MDGA2: variants seen among roughly 807,000 people sequenced by gnomAD.
The protein encoded by MDGA2 is MAM domain-containing glycosylphosphatidylinositol anchor protein 2.
MDGA2 carries 40 observed loss-of-function variants against 117.8 expected under a neutral mutation model. That is an observed-to-expected ratio of 0.34 (90% CI 0.26 to 0.44). MDGA2 has a LOEUF of 0.44. MDGA2 is among the 20% of genes least tolerant of loss of function. The pLI is 1.00. For synonymous variants in MDGA2, 452 were observed against 439.0 expected (o/e 1.03, Z -0.37); for missense variants, 1,123 against 1,250.6 (o/e 0.90, Z 1.54).
intron 9 of MDGA2, among the ~76,000 whole-genome samples, chr14:46,932,151 A>G (rs1799841864): frequency 6.6e-6 from 1 of 152,082 alleles, no homozygotes; most frequent in Admixed American, 6.6e-5. Context: ...ATGTGTTAGC[A>G]TAAAGAACGA....
At chr14:46,979,931 T>A (rs1886602571) in intron 8 of MDGA2, among the ~76,000 whole-genome samples, 6 of 152,160 alleles carry the variant, frequency 3.9e-5, no homozygotes, top group Admixed American at 3.3e-4. Flanking sequence ...GAAACAGCCT[T>A]CTATTGGAAG....
intron 1 of MDGA2, among the ~76,000 whole-genome samples, chr14:47,573,549 A>G (rs564956509): frequency 5.3e-5 from 8 of 152,322 alleles, no homozygotes; most frequent in African/African-American, 1.9e-4. Flanking sequence ...TCTCACGCTC[A>G]GTTTCCTTAT....
intron 1 of MDGA2, among the ~76,000 whole-genome samples, chr14:47,634,160 G>A (rs144249995): frequency 1.0e-3 from 155 of 152,164 alleles, no homozygotes; most frequent in African/African-American, 3.6e-3. Context: ...TGCACCATTT[G>A]TTGTAATTTT....
chr14:47,199,279 C>T lies in MDGA2; in HGVS notation c.595+18742G>A, dbSNP rs1885403779. The stretch of plus-strand genomic sequence containing the variant: ...ATTTTTTAAATAAAGACACATAAAA[C>T]TTGATGTCTAGGTAACTTCCCATCT... On this transcript the variant is annotated intron_variant, in intron 3 of 16. Transcript: ENST00000399232. 2.0e-5 allele frequency among the ~76,000 whole-genome samples: 3 copies of T among 152,170 alleles called. No individual in the cohort carries two copies. The South Asian group carries it at 6.2e-4, about 32-fold the overall frequency.
intron 1 of MDGA2, among the ~76,000 whole-genome samples, chr14:47,494,411 C>G (rs1033868709): frequency 5.9e-5 from 9 of 152,166 alleles, no homozygotes; most frequent in Admixed American, 4.6e-4. Context: ...TACATTCCCT[C>G]AAAGCATGCA....
chr14:47,375,127 T>A (rs1891449159), intron 1 of MDGA2, among the ~76,000 whole-genome samples: 1 of 151,822 alleles, frequency 6.6e-6, no homozygotes, highest in Non-Finnish European at 1.5e-5. Context: ...AAAAATAGTA[T>A]CTACTTCCTA....
chr14:47,279,198 G>A (rs369870665), intron 2 of MDGA2, among the ~76,000 whole-genome samples: 6 of 152,274 alleles, frequency 3.9e-5, no homozygotes, highest in African/African-American at 1.4e-4. Flanking sequence ...TTAAAAATGT[G>A]TGCTTCCATC....
At chr14:46,984,212 T>C (rs927955146) in intron 8 of MDGA2, among the ~76,000 whole-genome samples, 2 of 151,982 alleles carry the variant, frequency 1.3e-5, no homozygotes, top group Non-Finnish European at 2.9e-5. Context: ...TTTCCTGGTA[T>C]TCCAAATGAG....
At chr14:47,305,651 A>G (rs1422500985) in intron 1 of MDGA2, among the ~76,000 whole-genome samples, 2 of 152,266 alleles carry the variant, frequency 1.3e-5, no homozygotes, top group African/African-American at 4.8e-5. Context: ...TTTCAAGCGT[A>G]TATTTATTGA....
In MDGA2 at chr14:46,920,141, T is replaced by C. The variant is rs1183124349; in HGVS notation, c.2109A>G (p.Glu703=). 1 of 1,608,640 alleles carries C rather than the reference T, an allele frequency of 6.2e-7. No individual in the cohort carries two copies. Among genetic ancestry groups the C allele is most frequent in the African/African-American group, 1.3e-5 (1 of 74,810 alleles). ...CTGGATTGTAGGTATCATAATAGAA[T>C]TCTGGAGCATAGGCCTTTCCTGAAA... ...FLVTGKAYAP[E]FYYDTYNPVW... Residue 703 remains glutamate (E), a synonymous_variant, in exon 10 of 17, where the codon GAA becomes GAG. Transcript: ENST00000399232.
Position 47,041,850 on chromosome 14 carries a change from T to C in MDGA2, c.1526-6546A>G, listed in dbSNP as rs527606911. ...ATTTGAACTATGTGGAAAAATATCA[T>C]GCTGTCTGAAACAAAGACATCTGAA... On this transcript the variant is annotated intron_variant, in intron 7 of 16. Coordinates refer to ENST00000399232, the MANE Select transcript of MDGA2 (RefSeq NM_001113498.3). 7.2e-5 allele frequency among the ~76,000 whole-genome samples: 11 copies of C among 152,250 alleles called. No individual in the cohort carries two copies. In the South Asian group the frequency reaches 1.2e-3, roughly 17 times the overall value.
intron 1 of MDGA2, among the ~76,000 whole-genome samples, chr14:47,492,543 T>C (rs1360317277): frequency 6.6e-6 from 1 of 151,946 alleles, no homozygotes; most frequent in Non-Finnish European, 1.5e-5. Flanking sequence ...ATGAGAAAAA[T>C]GACAAAAGAA....
chr14:47,611,695 T>TA (rs1467135242), intron 1 of MDGA2, among the ~76,000 whole-genome samples: 2 of 151,864 alleles, frequency 1.3e-5, no homozygotes, highest in African/African-American at 4.8e-5. Flanking sequence ...AATCAAAAAA[T>TA]AAAAAAACAG....
intron 8 of MDGA2, among the ~76,000 whole-genome samples, chr14:46,966,575 G>A (rs961770482): frequency 9.9e-5 from 15 of 152,030 alleles, no homozygotes; most frequent in Admixed American, 5.2e-4. Context: ...AATTCAAACT[G>A]CAGTTTATAT....
At chr14:47,076,223 T>C (rs1056870273) in intron 6 of MDGA2, among the ~76,000 whole-genome samples, 2 of 152,060 alleles carry the variant, frequency 1.3e-5, no homozygotes, top group African/African-American at 4.8e-5. Flanking sequence ...TTATAACAGA[T>C]GAACTGTCTT....
At chr14:47,628,211 C>T (rs941366938) in intron 1 of MDGA2, among the ~76,000 whole-genome samples, 1 of 152,188 alleles carries the variant, frequency 6.6e-6, no homozygotes, top group African/African-American at 2.4e-5. Flanking sequence ...CAGTAATTCT[C>T]CTCATCCATT....
chr14:47,283,072 C>T (rs1007414312), intron 2 of MDGA2, among the ~76,000 whole-genome samples: 1 of 152,138 alleles, frequency 6.6e-6, no homozygotes, highest in Non-Finnish European at 1.5e-5. Flanking sequence ...GTCTTTGTTA[C>T]ATTATTATGC....
At chr14:47,417,035 A>G (rs555573924) in intron 1 of MDGA2, among the ~76,000 whole-genome samples, 1 of 152,238 alleles carries the variant, frequency 6.6e-6, no homozygotes, top group South Asian at 2.1e-4. Context: ...TGGATGATAA[A>G]AGCTATTGTG....
intron 3 of MDGA2, among the ~76,000 whole-genome samples, chr14:47,199,057 T>A (rs1045179428): frequency 6.6e-6 from 1 of 152,074 alleles, no homozygotes; most frequent in African/African-American, 2.4e-5. Context: ...TTTGTGAAGT[T>A]AGGATTCAAG....
Sources: gnomAD v4.1 joint callset for allele counts (sites outside exome capture counted in the v4.1 genomes callset) on GRCh38, gnomAD v4.1.1 for gene constraint, MANE v1.5 for transcripts, NCBI Gene and HGNC (gene_info 2026-07-23, HGNC 2026-07-21) for gene names.